The following ARL8B variants were observed in gnomAD, a reference collection of about 807,000 sequenced individuals.
ARL8B encodes the protein ADP-ribosylation factor-like protein 8B.
In ARL8B, 9 loss-of-function variants were observed where a neutral mutation model predicts 30.6. The observed-to-expected ratio is 0.29, with a 90% CI of 0.18 to 0.51. ARL8B has a LOEUF of 0.51. Among genes scored for constraint, ARL8B ranks in the 20% least tolerant of loss-of-function variants. ARL8B has a pLI of 0.97. For synonymous variants in ARL8B, 74 were observed against 76.0 expected, an observed-to-expected ratio of 0.97 and a Z score of 0.14; for missense variants, 130 against 227.2, an observed-to-expected ratio of 0.57 and a Z score of 2.75.
chr3:5,133,401 G>C (rs1575559662), intron 1 of ARL8B, among the ~76,000 whole-genome samples: 1 of 152,206 alleles, frequency 6.6e-6, no homozygotes, highest in East Asian at 1.9e-4. Flanking sequence ...CTGGTTGAGA[G>C]ACATTGAGGG....
At chr3:5,164,647 G>A (rs1046067700) in intron 1 of ARL8B, among the ~76,000 whole-genome samples, 1 of 152,150 alleles carries the variant, frequency 6.6e-6, no homozygotes, top group Non-Finnish European at 1.5e-5. Context: ...TTTTACATGA[G>A]TATAGTTAAG....
At chr3:5,174,447 G>A (rs746310574) in intron 6 of ARL8B, 33 bp downstream of exon 6, 1 of 1,359,724 alleles carries the variant, frequency 7.4e-7, no homozygotes, top group Non-Finnish European at 1.1e-6. Context: ...GGAAGAAATG[G>A]GTATCATTGG....
intron 1 of ARL8B, among the ~76,000 whole-genome samples, chr3:5,145,155 C>T (rs923714028): frequency 3.3e-5 from 5 of 152,070 alleles, no homozygotes; most frequent in African/African-American, 1.2e-4. Flanking sequence ...GTGGAGCTTC[C>T]CTAAGGTCAG....
chr3:5,136,337 T>G (rs1269148948), intron 1 of ARL8B, among the ~76,000 whole-genome samples: 1 of 152,228 alleles, frequency 6.6e-6, no homozygotes, highest in Non-Finnish European at 1.5e-5. Flanking sequence ...TAATTGTCAT[T>G]TGGGTCTGAA....
intron 1 of ARL8B, among the ~76,000 whole-genome samples, chr3:5,145,990 C>T (rs976480780): frequency 6.6e-6 from 1 of 152,210 alleles, no homozygotes; most frequent in Non-Finnish European, 1.5e-5. Flanking sequence ...TACCTTGGCT[C>T]TCCTCTCCCC....
chr3:5,159,439 C>A (rs1485003051), intron 1 of ARL8B, among the ~76,000 whole-genome samples: 2 of 151,058 alleles, frequency 1.3e-5, no homozygotes, highest in Admixed American at 6.6e-5. Context: ...CCTGTCTCTA[C>A]TGAAAATACA....
rs1476005042 is a variant in ARL8B at position 5,138,230 on chromosome 3, C to T, written c.123+15642C>T. 2.7e-5 allele frequency among the ~76,000 whole-genome samples: 4 copies of T among 148,724 alleles called. No individual in the cohort carries two copies. In the East Asian group the frequency reaches 7.8e-4, roughly 29 times the overall value. ...TCACCAGAGTAGAAGACTAGCAGAG[C>T]ATCTATTTACAACCTCTCAATTTAT... On this transcript the variant is annotated intron_variant, in intron 1 of 6. Transcript: ENST00000256496.
chr3:5,161,018 A>G (rs1440991907), intron 1 of ARL8B, among the ~76,000 whole-genome samples: 1 of 152,198 alleles, frequency 6.6e-6, no homozygotes, highest in Non-Finnish European at 1.5e-5. Context: ...TTCCAGGCTC[A>G]AGCCATCTTC....
intron 1 of ARL8B, among the ~76,000 whole-genome samples, chr3:5,143,911 A>G (rs927535001): frequency 3.7e-4 from 57 of 152,348 alleles, no homozygotes; most frequent in African/African-American, 1.3e-3. Flanking sequence ...GACAATCCCA[A>G]GTCTTTTCTT....
chr3:5,136,443 C>G (rs981126472), intron 1 of ARL8B, among the ~76,000 whole-genome samples: 4 of 152,126 alleles, frequency 2.6e-5, no homozygotes, highest in African/African-American at 9.7e-5. Flanking sequence ...TAGGGTCTTG[C>G]TTTGACTCCT....
intron 1 of ARL8B, among the ~76,000 whole-genome samples, chr3:5,128,007 A>G (rs2054247762): frequency 6.6e-6 from 1 of 151,110 alleles, no homozygotes; most frequent in South Asian, 2.1e-4. Context: ...GACCAACATG[A>G]TGAAACCCCA....
intron 1 of ARL8B, among the ~76,000 whole-genome samples, chr3:5,136,615 A>G (rs1337029475): frequency 6.6e-6 from 1 of 152,206 alleles, no homozygotes; most frequent in Non-Finnish European, 1.5e-5. Context: ...TATCTTTCCT[A>G]GGAACACTTA....
chr3:5,161,730 G>A (rs1331388021), intron 1 of ARL8B, among the ~76,000 whole-genome samples: 3 of 152,184 alleles, frequency 2.0e-5, no homozygotes, highest in Admixed American at 1.3e-4. Context: ...TCATTTTCAA[G>A]TAGCACAGTG....
intron 4 of ARL8B, among the ~76,000 whole-genome samples, 186 bp downstream of exon 4, chr3:5,172,926 GTA>G (rs2054688782): frequency 6.6e-6 from 1 of 152,152 alleles, no homozygotes; most frequent in East Asian, 1.9e-4. Context: ...TCATAACCAC[GTA>G]TCTACTAAAC....
chr3:5,135,339 A>AGTGCGGTG (rs1553577991), intron 1 of ARL8B, among the ~76,000 whole-genome samples: 88 of 151,312 alleles, frequency 5.8e-4, no homozygotes, highest in African/African-American at 2.1e-3. Flanking sequence ...CCCAGACTGG[A>AGTGCGGTG]GTGCAGTCTT....
At chr3:5,166,687 G>A (rs1255460808) in intron 1 of ARL8B, among the ~76,000 whole-genome samples, 1 of 152,094 alleles carries the variant, frequency 6.6e-6, no homozygotes, top group African/African-American at 2.4e-5. Flanking sequence ...GAGGTTCACC[G>A]CCTCATGTCT....
chr3:5,125,691 C>G (rs998993747), intron 1 of ARL8B, among the ~76,000 whole-genome samples: 2 of 152,072 alleles, frequency 1.3e-5, no homozygotes, highest in African/African-American at 2.4e-5. Flanking sequence ...TGCCACCATG[C>G]CCAGCTAATT....
In ARL8B at chr3:5,129,609, T is replaced by A. The variant is rs144737058; in HGVS notation, c.123+7021T>A. On this transcript the variant is annotated intron_variant, in intron 1 of 6. Coordinates refer to ENST00000256496, the MANE Select transcript of ARL8B (RefSeq NM_018184.3). ...ATGCTGGAGTGTAGTGGCATGATCA[T>A]GGCTTATTGCAGCCTCCACCTCCTG... Among the ~76,000 whole-genome samples, 4 of 152,286 alleles carry A rather than the reference T, an allele frequency of 2.6e-5. No individual in the cohort carries two copies. In the East Asian group the frequency reaches 7.7e-4, roughly 29 times the overall value.
At position 5,145,012 on chromosome 3, in the gene ARL8B, C is replaced by T. The variant is rs78031976; in HGVS notation, c.123+22424C>T. ...CATATAATTCACAGGTTTGGGCCAA[C>T]CAACCATTAGGTAATCTACCTTTCT... On this transcript the variant is annotated intron_variant, in intron 1 of 6. Transcript: ENST00000256496. 7.3e-4 allele frequency among the ~76,000 whole-genome samples: 111 copies of T among 152,298 alleles called. 2 individuals are homozygous for T. In the East Asian group the frequency reaches 0.017, roughly 24 times the overall value.
Sources: allele counts gnomAD v4.1 joint callset (sites outside exome capture counted in the v4.1 genomes callset), GRCh38; gene constraint gnomAD v4.1.1; transcripts MANE v1.5; gene names NCBI Gene and HGNC (gene_info 2026-07-23, HGNC 2026-07-21).